Variants in ADAM12 observed in about 807,000 individuals in gnomAD.
The protein encoded by ADAM12 is ADAM metallopeptidase domain 12.
In ADAM12, 70 loss-of-function variants were observed where a neutral mutation model predicts 106.4. That is an observed-to-expected ratio of 0.66 (90% CI 0.54 to 0.80). The LOEUF is 0.80. Ranked by LOEUF, ADAM12 falls within the 30% of genes least tolerant of loss-of-function variation. The pLI is 0.00. For synonymous variants in ADAM12, 420 were observed against 433.5 expected, an observed-to-expected ratio of 0.97 and a Z score of 0.39; for missense variants, 1,010 against 1,171.9, an observed-to-expected ratio of 0.86 and a Z score of 2.02.
intron 1 of ADAM12, among the ~76,000 whole-genome samples, chr10:126,343,224 T>C (rs890730125): frequency 4.9e-5 from 7 of 141,884 alleles, no homozygotes; most frequent in Non-Finnish European, 9.2e-5. Flanking sequence ...TTCTCTTTCC[T>C]GTGTCCAAGT....
intron 1 of ADAM12, among the ~76,000 whole-genome samples, chr10:126,338,224 G>A (rs1015296663): frequency 1.3e-5 from 2 of 148,556 alleles, no homozygotes; most frequent in African/African-American, 5.0e-5. Flanking sequence ...GGGGAGCAAA[G>A]TCACTTACAA....
At chr10:126,373,501 C>T (rs554376271) in intron 1 of ADAM12, among the ~76,000 whole-genome samples, 6 of 152,150 alleles carry the variant, frequency 3.9e-5, no homozygotes, top group African/African-American at 1.4e-4. Flanking sequence ...AGCTGCCAAG[C>T]GGGTTCAACT....
At position 126,243,154 on chromosome 10, in the gene ADAM12, C is replaced by A. The variant is rs191234020; in HGVS notation, c.260+35761G>T. ...CAGTGTTACCATGTTCCTGGGCGTG[C>A]AGCTGCTGAGCAGGCAGCATGGAGG... On this transcript the variant is annotated intron_variant, in intron 3 of 22. Coordinates refer to ENST00000448723, the MANE Select transcript of ADAM12 (RefSeq NM_001288973.2). Among the ~76,000 whole-genome samples, 252 of 152,338 alleles carry A rather than the reference C, an allele frequency of 1.7e-3. 7 individuals carry two copies. The highest frequency in any genetic ancestry group is 4.2e-3 in the Admixed American group (64 of 15,306).
At chr10:126,067,863 A>G (rs1452212092) in intron 12 of ADAM12, among the ~76,000 whole-genome samples, 2 of 152,160 alleles carry the variant, frequency 1.3e-5, no homozygotes, top group Non-Finnish European at 2.9e-5. Context: ...ACTCCTGAAA[A>G]CCATCTTTCT....
intron 11 of ADAM12, 72 bp from the exon 12 acceptor site, chr10:126,071,726 A>C (rs1392500656): frequency 1.8e-5 from 28 of 1,554,686 alleles, no homozygotes; most frequent in Non-Finnish European, 2.2e-5. Flanking sequence ...TTGTGCCCAC[A>C]AGAAGGCACC....
At chr10:126,179,248 C>G (rs1957272208) in intron 3 of ADAM12, among the ~76,000 whole-genome samples, 1 of 152,134 alleles carries the variant, frequency 6.6e-6, no homozygotes, top group Non-Finnish European at 1.5e-5. Context: ...GCTGTTTGCT[C>G]TGGCACCTCT....
At chr10:126,353,289 A>T (rs1855424974) in intron 1 of ADAM12, among the ~76,000 whole-genome samples, 1 of 152,354 alleles carries the variant, frequency 6.6e-6, no homozygotes, top group Admixed American at 6.5e-5. Flanking sequence ...TTGGAATCAA[A>T]GGTCACATGC....
intron 1 of ADAM12, among the ~76,000 whole-genome samples, chr10:126,368,866 C>T (rs1164334518): frequency 1.3e-5 from 2 of 152,078 alleles, no homozygotes; most frequent in Non-Finnish European, 2.9e-5. Flanking sequence ...TATCCAAACC[C>T]AAGCAAATGC....
chr10:126,038,508 T>TA (rs1382671342), intron 19 of ADAM12, among the ~76,000 whole-genome samples, 159 bp from the exon 20 acceptor site: 13 of 152,202 alleles, frequency 8.5e-5, no homozygotes, highest in Non-Finnish European at 1.2e-4. Context: ...CTTAGGAGAT[T>TA]AAAAAATAAA....
rs776289006 is a variant in ADAM12, at chr10:126,064,532, C to T, written c.1609+274G>A. On this transcript the variant is annotated intron_variant, in intron 14 of 22. Transcript: ENST00000448723. The surrounding 1 kb of genome is among the most constrained non-coding windows in gnomAD (Gnocchi z 4.4). ...GTGCTCCTGCATCTTCTGTATCCCC[C>T]GGGGCGCACAGTAGGTGCTCCTGCA... Among the ~76,000 whole-genome samples the T allele has an allele frequency of 8.5e-5, 13 of 152,142 alleles. No individual in the cohort carries two copies. Among genetic ancestry groups the T allele is most frequent in the African/African-American group, 4.8e-5 (2 of 41,436 alleles).
chr10:126,073,124 G>A lies in ADAM12; in HGVS notation c.1146-1470C>T, dbSNP rs114635470. The stretch of plus-strand genomic sequence containing the variant: ...TTTCTTAACTTCATTTTCTGAGACC[G>A]AGTCTCACTCTGTTGCCCATGCTGG... On this transcript the variant is annotated intron_variant, in intron 11 of 22. Coordinates refer to ENST00000448723, the MANE Select transcript of ADAM12 (RefSeq NM_001288973.2). Among the ~76,000 whole-genome samples, 412 of 152,228 alleles carry A rather than the reference G, an allele frequency of 2.7e-3. 1 individual carries two copies. The highest frequency in any genetic ancestry group is 9.4e-3 in the African/African-American group (390 of 41,534).
At chr10:126,351,691 T>C (rs1447645319) in intron 1 of ADAM12, among the ~76,000 whole-genome samples, 1 of 152,168 alleles carries the variant, frequency 6.6e-6, no homozygotes, top group Non-Finnish European at 1.5e-5. Flanking sequence ...CACCCCCTGG[T>C]TGATGGGTTT....
At chr10:126,247,651 G>A (rs987461497) in intron 3 of ADAM12, among the ~76,000 whole-genome samples, 4 of 152,184 alleles carry the variant, frequency 2.6e-5, no homozygotes, top group East Asian at 1.9e-4. Flanking sequence ...AGGGCTTGGC[G>A]TCAATCTTGA....
At chr10:126,229,849 T>C (rs1958275087) in intron 3 of ADAM12, among the ~76,000 whole-genome samples, 1 of 152,196 alleles carries the variant, frequency 6.6e-6, no homozygotes, top group Non-Finnish European at 1.5e-5. Context: ...AATCTCTTAC[T>C]GATGTCATGC....
At chr10:126,044,658 T>C (rs1056930218) in intron 17 of ADAM12, among the ~76,000 whole-genome samples, 12 of 152,236 alleles carry the variant, frequency 7.9e-5, no homozygotes, top group African/African-American at 2.9e-4. Flanking sequence ...TCCCATGTAA[T>C]GCTTTCCTGC....
intron 1 of ADAM12, among the ~76,000 whole-genome samples, chr10:126,372,065 A>T (rs1183510673): frequency 6.6e-6 from 1 of 152,248 alleles, no homozygotes; most frequent in Admixed American, 6.5e-5. Flanking sequence ...CTGATAAACA[A>T]CAAAGATGGA....
intron 3 of ADAM12, among the ~76,000 whole-genome samples, chr10:126,263,765 C>T (rs557256442): frequency 6.6e-6 from 1 of 152,088 alleles, no homozygotes; most frequent in African/African-American, 2.4e-5. Context: ...GATTTCAGTT[C>T]CTACATGTAA....
chr10:126,075,804 C>T (rs1192681827), intron 11 of ADAM12, among the ~76,000 whole-genome samples: 1 of 152,148 alleles, frequency 6.6e-6, no homozygotes, highest in Non-Finnish European at 1.5e-5. Flanking sequence ...TTCTACTTGG[C>T]ATCATTCTTA....
Position 126,330,451 on chromosome 10 carries a change from A to T in ADAM12, c.147T>A (p.Ser49Arg). ...ADEVVSASVG[S>R]GDLWIPVKSF... Reference sequence around the variant, plus strand: ...TCTTCACTGGGATCCAGAGGTCCCCACTCCCAACAGAGGCACTGACAACTT... The same window carrying T: ...TCTTCACTGGGATCCAGAGGTCCCCTCTCCCAACAGAGGCACTGACAACTT... Residue 49 changes from serine to arginine, a missense_variant, in exon 2 of 23, where the codon AGT (serine) becomes AGA (arginine). This residue lies in a region of ADAM12 where 391 missense variants were observed against 442.9 expected (regional missense o/e 0.88). Transcript: ENST00000448723. The T allele has an allele frequency of 1.9e-6, 3 of 1,613,900 alleles. No homozygotes were observed. Among genetic ancestry groups the T allele is most frequent in the Non-Finnish European group, 2.5e-6 (3 of 1,179,978 alleles).
Sources: allele counts gnomAD v4.1 joint callset (sites outside exome capture counted in the v4.1 genomes callset), GRCh38; gene constraint gnomAD v4.1.1; regional missense constraint gnomAD v4.1.1; non-coding constraint Gnocchi (gnomAD v3.1); transcripts MANE v1.5; gene names NCBI Gene and HGNC (gene_info 2026-07-23, HGNC 2026-07-21).